The following TADA2A variants were observed in gnomAD, a reference collection of about 807,000 sequenced individuals.
The protein encoded by TADA2A is transcriptional adaptor 2A.
A neutral mutation model predicts 67.4 loss-of-function variants in TADA2A; 38 were observed. The ratio of observed to expected loss-of-function variants is 0.56; its 90% CI spans 0.44 to 0.74. The LOEUF is 0.74. TADA2A is among the 30% of genes least tolerant of loss of function. The pLI is 0.00. For missense variants in TADA2A, 454 were observed against 547.0 expected (o/e 0.83, Z 1.70); for synonymous variants, 192 against 181.6 (o/e 1.06, Z -0.46).
intron 1 of TADA2A, 155 bp downstream of exon 1, chr17:37,407,104 G>A (rs1008375859): frequency 4.1e-5 from 6 of 147,678 alleles, no homozygotes; most frequent in African/African-American, 1.5e-4. Flanking sequence ...GCAGGCTGGC[G>A]GGCCGGCGGG....
At chr17:37,470,967 G>C (rs946814985) in intron 13 of TADA2A, 127 bp from the exon 14 acceptor site, 13 of 877,016 alleles carry the variant, frequency 1.5e-5, no homozygotes, top group Middle Eastern at 2.2e-4. Context: ...GTAAAACATA[G>C]TTCAGTCTAT....
chr17:37,446,598 T>TAA (rs5820218), intron 8 of TADA2A, among the ~76,000 whole-genome samples: 115 of 147,388 alleles, frequency 7.8e-4, no homozygotes, highest in African/African-American at 2.1e-3. Context: ...ACCCTGTCTC[T>TAA]AAAAAAAAAA....
Position 37,470,981 on chromosome 17 carries a change from AT to A in TADA2A, c.1029-111del, listed in dbSNP as rs1457771037. 55 of 988,494 alleles carry A rather than the reference AT, an allele frequency of 5.6e-5. No homozygotes were observed. In the Middle Eastern group the frequency reaches 1.0e-3, roughly 19 times the overall value. 61.2% of individuals were successfully genotyped at this position (988,494 alleles called of 1,614,324 possible). A position where few individuals can be genotyped will look rare whatever the true frequency, so the allele number is the denominator to read the frequency against. ...TGTAAAACATAGTTCAGTCTATCTC[AT>A]TACACTTCTTCAAGGTGACCTACCT... On this transcript the variant is annotated intron_variant, in intron 13 of 15. Coordinates refer to ENST00000615182, the MANE Select transcript of TADA2A (RefSeq NM_001166105.3).
intron 1 of TADA2A, chr17:37,407,276 C>G (rs1382324295): frequency 6.6e-6 from 1 of 152,546 alleles, no homozygotes; most frequent in Non-Finnish European, 1.5e-5. Flanking sequence ...GCCACTGTGC[C>G]AGATGCCCCT....
chr17:37,428,666 C>T (rs982454787), intron 4 of TADA2A, among the ~76,000 whole-genome samples: 2 of 152,180 alleles, frequency 1.3e-5, no homozygotes, highest in African/African-American at 2.4e-5. Flanking sequence ...ACTGTAACCT[C>T]GACCTCCCAG....
At chr17:37,451,089 C>T (rs1157985790) in intron 8 of TADA2A, among the ~76,000 whole-genome samples, 3 of 151,934 alleles carry the variant, frequency 2.0e-5, no homozygotes, top group African/African-American at 7.3e-5. Context: ...TGCAGTGGTA[C>T]AATCTTTAGC....
chr17:37,407,143 G>C (rs893396082), intron 1 of TADA2A, 194 bp downstream of exon 1: 8 of 149,718 alleles, frequency 5.3e-5, no homozygotes, highest in South Asian at 3.9e-4. Flanking sequence ...GCCGCTCTGT[G>C]GGGGAGGGCG....
intron 9 of TADA2A, 125 bp downstream of exon 9, chr17:37,458,712 TG>T: frequency 1.4e-6 from 1 of 736,836 alleles, no homozygotes; most frequent in East Asian, 3.0e-5. Flanking sequence ...GGTCTCACTC[TG>T]TTGCCCAGGC....
chr17:37,421,658 G>A (rs2052235181), intron 2 of TADA2A, among the ~76,000 whole-genome samples: 1 of 145,566 alleles, frequency 6.9e-6, no homozygotes, highest in African/African-American at 2.5e-5. Context: ...CGGGTGTGGT[G>A]GCTTGTGCCT....
intron 2 of TADA2A, among the ~76,000 whole-genome samples, chr17:37,420,740 G>T (rs1421899425): frequency 1.4e-5 from 2 of 146,640 alleles, no homozygotes; most frequent in Admixed American, 1.4e-4. Flanking sequence ...TCTTCACTTG[G>T]AAGAGGGAAA....
At position 37,442,560 on chromosome 17, in the gene TADA2A, C is replaced by A. The variant is rs1379678745; in HGVS notation, c.443-4C>A. On this transcript the variant is annotated splice_region_variant and splice_polypyrimidine_tract_variant and intron_variant, in intron 6 of 15. Transcript: ENST00000615182. ...TAACTCAGAAACCTTCTAAATTCTT[C>A]CAGCTACAGATGACCCTCCCCGACC... 6 of 1,612,580 alleles carry A rather than the reference C, an allele frequency of 3.7e-6. No homozygotes were observed. The highest frequency in any genetic ancestry group is 5.1e-6 in the Non-Finnish European group (6 of 1,179,280).
intron 4 of TADA2A, among the ~76,000 whole-genome samples, chr17:37,432,310 G>A (rs997024862): frequency 6.6e-6 from 1 of 151,990 alleles, no homozygotes; most frequent in Non-Finnish European, 1.5e-5. Flanking sequence ...GATTATTATA[G>A]GCGTCCACCA....
At chr17:37,429,454 A>G (rs2052507873) in intron 4 of TADA2A, among the ~76,000 whole-genome samples, 1 of 149,682 alleles carries the variant, frequency 6.7e-6, no homozygotes. Flanking sequence ...TTATTTATTG[A>G]AAAAAAAAAT....
At chr17:37,425,977 TAAAG>T (rs1195036900) in intron 3 of TADA2A, among the ~76,000 whole-genome samples, 52 of 151,578 alleles carry the variant, frequency 3.4e-4, no homozygotes, top group Non-Finnish European at 2.5e-4. Context: ...TAAAAAAAAA[TAAAG>T]AATTTTTTTT....
intron 2 of TADA2A, among the ~76,000 whole-genome samples, chr17:37,413,206 C>T (rs1190827898): frequency 1.3e-5 from 2 of 152,252 alleles, no homozygotes; most frequent in East Asian, 1.9e-4. Flanking sequence ...GGATTACAAG[C>T]GTGAGCCACC....
chr17:37,474,375 T>C (rs148019321), intron 14 of TADA2A, among the ~76,000 whole-genome samples, 181 bp from the exon 15 acceptor site: 2 of 152,320 alleles, frequency 1.3e-5, no homozygotes, highest in Admixed American at 6.5e-5. Context: ...CATTTTCAAG[T>C]GAATGTTCGG....
At chr17:37,417,331 G>A (rs889730120) in intron 2 of TADA2A, among the ~76,000 whole-genome samples, 6 of 150,326 alleles carry the variant, frequency 4.0e-5, no homozygotes, top group African/African-American at 4.9e-5. Flanking sequence ...AGCTGAGATC[G>A]CGCCACTGCA....
At chr17:37,409,084 CTTAT>C (rs1204792220) in intron 1 of TADA2A, among the ~76,000 whole-genome samples, 4 of 152,096 alleles carry the variant, frequency 2.6e-5, no homozygotes, top group Admixed American at 2.0e-4. Flanking sequence ...TCTGCTTTCA[CTTAT>C]TTATTATTTA....
intron 10 of TADA2A, among the ~76,000 whole-genome samples, chr17:37,463,741 C>T (rs369103007): frequency 9.9e-5 from 15 of 151,666 alleles, no homozygotes; most frequent in African/African-American, 2.9e-4. Context: ...GCCTCCCAGG[C>T]TCAGGTGATT....
Sources: allele counts gnomAD v4.1 joint callset (sites outside exome capture counted in the v4.1 genomes callset), GRCh38; gene constraint gnomAD v4.1.1; transcripts MANE v1.5; gene names NCBI Gene and HGNC (gene_info 2026-07-23, HGNC 2026-07-21).